TUSC3: variants seen among roughly 807,000 people sequenced by gnomAD.
TUSC3 encodes the protein dolichyl-diphosphooligosaccharide--protein glycosyltransferase subunit TUSC3.
TUSC3 carries 45 observed loss-of-function variants against 44.8 expected under a neutral mutation model. The observed-to-expected ratio is 1.00, with a 90% CI of 0.79 to 1.29. TUSC3 has a LOEUF of 1.29. TUSC3 is among the 50% of genes most tolerant of loss of function. TUSC3 has a pLI of 0.00. For missense variants in TUSC3, 519 were observed against 437.9 expected, an observed-to-expected ratio of 1.19 and a Z score of -1.65; for synonymous variants, 212 against 152.9, an observed-to-expected ratio of 1.39 and a Z score of -2.85.
intron 1 of TUSC3, among the ~76,000 whole-genome samples, chr8:15,473,662 G>T (rs111566995): frequency 6.6e-6 from 1 of 152,108 alleles, no homozygotes; most frequent in Admixed American, 6.5e-5. Flanking sequence ...CACCTGAGCC[G>T]CAAAACCAGC....
intron 1 of TUSC3, among the ~76,000 whole-genome samples, chr8:15,439,967 T>C (rs1314488135): frequency 6.6e-6 from 1 of 152,210 alleles, no homozygotes; most frequent in Admixed American, 6.5e-5. Context: ...ATTTAACAAT[T>C]ATATAGTGAG....
intron 2 of TUSC3, among the ~76,000 whole-genome samples, chr8:15,648,725 CAAAAAAAAAAAAAAAA>C (rs58526383): frequency 7.3e-4 from 19 of 26,154 alleles, no homozygotes; most frequent in South Asian, 3.5e-3. Flanking sequence ...GACTCTGTGT[CAAAAAAAAAAAAAAAA>C]AAAAAAAAAA....
At chr8:15,599,296 G>C (rs1167653133) in intron 1 of TUSC3, among the ~76,000 whole-genome samples, 1 of 151,742 alleles carries the variant, frequency 6.6e-6, no homozygotes, top group Non-Finnish European at 1.5e-5. Context: ...TTATTGATGA[G>C]TTTTAAGAGG....
intron 2 of TUSC3, among the ~76,000 whole-genome samples, chr8:15,510,688 A>C (rs1801120714): frequency 6.6e-6 from 1 of 152,050 alleles, no homozygotes; most frequent in South Asian, 2.1e-4. Context: ...TTTTACACAA[A>C]CTGTTCCTGA....
intron 8 of TUSC3, among the ~76,000 whole-genome samples, chr8:15,747,929 G>A (rs1466994400): frequency 2.0e-5 from 3 of 152,002 alleles, no homozygotes; most frequent in East Asian, 1.9e-4. Context: ...GCATAGCATC[G>A]GAAAAGATCA....
intron 1 of TUSC3, among the ~76,000 whole-genome samples, chr8:15,464,014 G>A (rs538260020): frequency 6.6e-6 from 1 of 152,134 alleles, no homozygotes; most frequent in Non-Finnish European, 1.5e-5. Flanking sequence ...GATTCCTAAA[G>A]TGCCTGTAAG....
At chr8:15,666,372 C>G (rs775969291) in intron 5 of TUSC3, among the ~76,000 whole-genome samples, 29 of 151,482 alleles carry the variant, frequency 1.9e-4, no homozygotes, top group Non-Finnish European at 3.4e-4. Context: ...TGTTTTCTGC[C>G]TTTTAATACT....
chr8:15,455,061 C>T (rs922302428), intron 1 of TUSC3, among the ~76,000 whole-genome samples: 5 of 152,136 alleles, frequency 3.3e-5, no homozygotes, highest in Admixed American at 6.6e-5. Context: ...AAGATGATGA[C>T]TTTGACCTGG....
At chr8:15,702,295 A>G (rs1028486341) in intron 6 of TUSC3, among the ~76,000 whole-genome samples, 1 of 152,152 alleles carries the variant, frequency 6.6e-6, no homozygotes, top group African/African-American at 2.4e-5. Context: ...GTATTAAATA[A>G]TAGTTGTTGA....
intron 1 of TUSC3, among the ~76,000 whole-genome samples, chr8:15,586,765 A>G (rs1029799044): frequency 3.3e-5 from 5 of 152,176 alleles, no homozygotes; most frequent in African/African-American, 1.2e-4. Flanking sequence ...ACCGACAAGC[A>G]TTTGGGGAGC....
Position 15,512,080 on chromosome 8 carries a change from A to G in TUSC3, n.189+28597A>G, listed in dbSNP as rs574733943. Among the ~76,000 whole-genome samples, 40 of 152,354 alleles carry G rather than the reference A, an allele frequency of 2.6e-4. 1 individual carries two copies. The South Asian group carries it at 7.5e-3, about 28-fold the overall frequency. On this transcript the variant is annotated intron_variant and non_coding_transcript_variant, in intron 2 of 5. Transcript: ENST00000503191. ...AGAACACCTTTGAAAAAGAGGAACA[A>G]TGTTGGAAGACTTGTACTACGTAAT...
intron 1 of TUSC3, among the ~76,000 whole-genome samples, chr8:15,581,495 T>C (rs371910840): frequency 0.019 from 2,738 of 147,002 alleles, 8 homozygotes; most frequent in Non-Finnish European, 0.03. Context: ...GATGGGTTTT[T>C]GGTGTGGATG....
chr8:15,804,469 A>C, the TUSC3 span, among the ~76,000 whole-genome samples: 21 of 152,210 alleles, frequency 1.4e-4, no homozygotes, highest in Non-Finnish European at 1.9e-4. Context: ...GAGGTCTTAC[A>C]TTTACATTTT....
chr8:15,489,955 T>G (rs896753116), intron 2 of TUSC3, among the ~76,000 whole-genome samples: 1 of 152,204 alleles, frequency 6.6e-6, no homozygotes, highest in Non-Finnish European at 1.5e-5. Flanking sequence ...TTGTAAAGTT[T>G]TGTAATTCTG....
intron 6 of TUSC3, among the ~76,000 whole-genome samples, chr8:15,694,351 A>AAAATCACTTGAACCG (rs1809056488): frequency 6.6e-6 from 1 of 151,116 alleles, no homozygotes. Flanking sequence ...CTGAGACAGG[A>AAAATCACTTGAACCG]AAATCACTTG....
chr8:15,583,659 C>G (rs928604117), intron 1 of TUSC3, among the ~76,000 whole-genome samples: 4 of 152,136 alleles, frequency 2.6e-5, no homozygotes, highest in African/African-American at 7.2e-5. Context: ...AGCAGGATAG[C>G]AAGCTAATTT....
intron 2 of TUSC3, among the ~76,000 whole-genome samples, chr8:15,648,511 G>C (rs1332205504): frequency 6.6e-6 from 1 of 151,528 alleles, no homozygotes; most frequent in East Asian, 2.0e-4. Context: ...CGGATCACGA[G>C]GTCAGGAGAT....
At chr8:15,518,487 T>A (rs973178033) in intron 2 of TUSC3, among the ~76,000 whole-genome samples, 1 of 152,222 alleles carries the variant, frequency 6.6e-6, no homozygotes, top group Non-Finnish European at 1.5e-5. Context: ...TGGGATATTA[T>A]ATTTATTATA....
chr8:15,813,772 T>TA, the TUSC3 span, among the ~76,000 whole-genome samples: 62 of 152,160 alleles, frequency 4.1e-4, 1 homozygote, highest in African/African-American at 1.5e-3. Context: ...GAAAGAGGTT[T>TA]TTTTTTTAGC....
Sources: gnomAD v4.1 joint callset for allele counts (sites outside exome capture counted in the v4.1 genomes callset) on GRCh38, gnomAD v4.1.1 for gene constraint, MANE v1.5 for transcripts, NCBI Gene and HGNC (gene_info 2026-07-23, HGNC 2026-07-21) for gene names.